PRKAG2: variants seen among roughly 807,000 people sequenced by gnomAD.
PRKAG2 encodes protein kinase AMP-activated non-catalytic subunit gamma 2.
A neutral mutation model predicts 69.6 loss-of-function variants in PRKAG2; 26 were observed. The ratio of observed to expected loss-of-function variants is 0.37; its 90% CI spans 0.27 to 0.52. PRKAG2 has a LOEUF of 0.52. PRKAG2 is among the 20% of genes least tolerant of loss of function. The pLI is 0.90. For synonymous variants in PRKAG2, 293 were observed against 285.0 expected, an observed-to-expected ratio of 1.03 and a Z score of -0.28; for missense variants, 557 against 740.0, an observed-to-expected ratio of 0.75 and a Z score of 2.87.
At chr7:151,854,949 C>CACA (rs2079669502) in intron 1 of PRKAG2, among the ~76,000 whole-genome samples, 1 of 143,932 alleles carries the variant, frequency 6.9e-6, no homozygotes, top group Non-Finnish European at 1.5e-5. Flanking sequence ...CCACCCTCCA[C>CACA]CACTCTCCAC....
rs1165240640 is a variant in PRKAG2, at chr7:151,771,211, T to G, written c.466+9941A>C. On this transcript the variant is annotated intron_variant, in intron 3 of 15. Transcript: ENST00000287878. This position sits in a 1 kb window ranked among gnomAD's most constrained non-coding sequence, Gnocchi z 4.0. The stretch of plus-strand genomic sequence containing the variant: ...TCTTCATTCCAGCTATGTTATTCTT[T>G]ATGCTTTTCCCTTAGCTAAAATTTC... Among the ~76,000 whole-genome samples the G allele has an allele frequency of 6.6e-6, 1 of 152,234 alleles. No homozygotes were observed. Among genetic ancestry groups the G allele is most frequent in the African/African-American group, 2.4e-5 (1 of 41,454 alleles).
At chr7:151,673,358 C>T (rs1207088657) in intron 4 of PRKAG2, among the ~76,000 whole-genome samples, 1 of 152,172 alleles carries the variant, frequency 6.6e-6, no homozygotes, top group African/African-American at 2.4e-5. Context: ...GACAGTACTC[C>T]AGGCTCAGCC....
At chr7:151,736,989 C>A (rs918481617) in intron 3 of PRKAG2, among the ~76,000 whole-genome samples, 1 of 152,144 alleles carries the variant, frequency 6.6e-6, no homozygotes, top group African/African-American at 2.4e-5. Flanking sequence ...AACCGCTGAT[C>A]AAGTAAAACC....
At chr7:151,696,931 C>A (rs1836776789) in intron 3 of PRKAG2, among the ~76,000 whole-genome samples, 4 of 152,134 alleles carry the variant, frequency 2.6e-5, no homozygotes, top group Admixed American at 2.6e-4. Flanking sequence ...GCGCTGCCAC[C>A]TGCAGGCTCA....
chr7:151,723,717 T>C (rs576911650), intron 3 of PRKAG2, among the ~76,000 whole-genome samples: 35 of 152,170 alleles, frequency 2.3e-4, no homozygotes, highest in Non-Finnish European at 4.7e-4. Flanking sequence ...GGCGCTGGGC[T>C]CCCTCACCAC....
intron 6 of PRKAG2, among the ~76,000 whole-genome samples, chr7:151,592,300 G>T (rs1031122033): frequency 6.6e-6 from 1 of 152,256 alleles, no homozygotes; most frequent in African/African-American, 2.4e-5. Flanking sequence ...AGACCTCCCA[G>T]TTGGACATTT....
chr7:151,639,140 C>T (rs1345975095), intron 4 of PRKAG2, among the ~76,000 whole-genome samples: 2 of 152,220 alleles, frequency 1.3e-5, no homozygotes, highest in Admixed American at 6.5e-5. Flanking sequence ...ATCATCTCCA[C>T]TGGAGTTTTC....
chr7:151,762,732 C>T (rs910926056), intron 3 of PRKAG2, among the ~76,000 whole-genome samples: 3 of 152,190 alleles, frequency 2.0e-5, no homozygotes, highest in African/African-American at 7.2e-5. Flanking sequence ...GAATTGGACT[C>T]AAACCCCACT....
At position 151,777,721 on chromosome 7, in the gene PRKAG2, C is replaced by T. The variant is rs1348926726; in HGVS notation, c.466+3431G>A. ...GCTTTGCTCATTACCTGGGCGGAGGCCAAGCTAACAAAGGGAGGAATTTAG... is the reference window on the plus strand; with the variant it reads ...GCTTTGCTCATTACCTGGGCGGAGGTCAAGCTAACAAAGGGAGGAATTTAG... On this transcript the variant is annotated intron_variant, in intron 3 of 15. Coordinates refer to ENST00000287878, the MANE Select transcript of PRKAG2 (RefSeq NM_016203.4). The surrounding 1 kb of genome is among the most constrained non-coding windows in gnomAD (Gnocchi z 4.3). Among the ~76,000 whole-genome samples the T allele has an allele frequency of 6.6e-6, 1 of 152,158 alleles. No individual in the cohort carries two copies. The highest frequency in any genetic ancestry group is 1.9e-4 in the East Asian group (1 of 5,184).
intron 3 of PRKAG2, among the ~76,000 whole-genome samples, chr7:151,740,605 ACAAAATAGGTCTT>A (rs151051730): frequency 0.089 from 13,629 of 152,286 alleles, 1,502 homozygotes; most frequent in African/African-American, 0.25. Context: ...GAATGAACAC[ACAAAATAGGTCTT>A]GCTCTCAGTG....
chr7:151,795,868 T>TACAC (rs2077489525), intron 1 of PRKAG2, among the ~76,000 whole-genome samples: 1 of 106,426 alleles, frequency 9.4e-6, no homozygotes, highest in African/African-American at 4.7e-5. Flanking sequence ...TATATATATA[T>TACAC]ATATATATAT....
intron 3 of PRKAG2, 49 bp from the exon 4 acceptor site, chr7:151,675,686 G>C: frequency 6.5e-7 from 1 of 1,538,464 alleles, no homozygotes; most frequent in Admixed American, 1.7e-5. Flanking sequence ...TCCAGGAAGG[G>C]ACGTCGGGGG....
At chr7:151,745,220 C>T (rs1205613843) in intron 3 of PRKAG2, among the ~76,000 whole-genome samples, 5 of 152,220 alleles carry the variant, frequency 3.3e-5, no homozygotes, top group South Asian at 4.1e-4. Context: ...TGCACGGCTG[C>T]GTTCCAAACC....
chr7:151,869,160 CAT>C (rs758397121), intron 1 of PRKAG2, among the ~76,000 whole-genome samples: 1 of 152,158 alleles, frequency 6.6e-6, no homozygotes, highest in African/African-American at 2.4e-5. Context: ...AAGTTTGTGA[CAT>C]GTGAAAAGAT....
At chr7:151,744,266 G>A (rs1399607760) in intron 3 of PRKAG2, among the ~76,000 whole-genome samples, 1 of 152,236 alleles carries the variant, frequency 6.6e-6, no homozygotes, top group African/African-American at 2.4e-5. Context: ...ACGGCATCGG[G>A]GAAGTGCCAG....
At chr7:151,601,999 T>G (rs1267109369) in intron 5 of PRKAG2, among the ~76,000 whole-genome samples, 1 of 152,324 alleles carries the variant, frequency 6.6e-6, no homozygotes, top group African/African-American at 2.4e-5. Context: ...CTCAAAACAC[T>G]GATAGACTAG....
At chr7:151,641,677 T>C (rs1826722340) in intron 4 of PRKAG2, among the ~76,000 whole-genome samples, 1 of 151,114 alleles carries the variant, frequency 6.6e-6, no homozygotes, top group Non-Finnish European at 1.5e-5. Context: ...CCCAAGTACC[T>C]GGGAGTGCCA....
intron 3 of PRKAG2, among the ~76,000 whole-genome samples, chr7:151,700,559 G>C (rs6947912): frequency 0.22 from 33,512 of 152,152 alleles, 4,590 homozygotes; most frequent in Non-Finnish European, 0.31. Context: ...CAGAGATTCA[G>C]ATTTGGGAAC....
chr7:151,867,017 C>A (rs2080096267), intron 1 of PRKAG2, among the ~76,000 whole-genome samples: 1 of 152,176 alleles, frequency 6.6e-6, no homozygotes, highest in Non-Finnish European at 1.5e-5. Context: ...GGTTTTCTCA[C>A]AGCCCCTCCA....
Sources: allele counts gnomAD v4.1 joint callset (sites outside exome capture counted in the v4.1 genomes callset), GRCh38; gene constraint gnomAD v4.1.1; non-coding constraint Gnocchi (gnomAD v3.1); transcripts MANE v1.5; gene names NCBI Gene and HGNC (gene_info 2026-07-23, HGNC 2026-07-21).